SEPTIN10: variants seen among roughly 807,000 people sequenced by gnomAD.
SEPTIN10 encodes the protein septin 10.
A neutral mutation model predicts 54.8 loss-of-function variants in SEPTIN10; 66 were observed. The ratio of observed to expected loss-of-function variants is 1.21; its 90% CI spans 0.99 to 1.48. SEPTIN10 has a LOEUF of 1.48. Among genes scored for constraint, SEPTIN10 ranks in the 40% most tolerant of loss-of-function variants. The pLI, the probability that SEPTIN10 is intolerant of heterozygous loss-of-function variation, is 0.00. For synonymous variants in SEPTIN10, 161 were observed against 181.0 expected, an observed-to-expected ratio of 0.89 and a Z score of 0.89; for missense variants, 620 against 545.6, an observed-to-expected ratio of 1.14 and a Z score of -1.36.
chr2:109,590,052 G>GTATATATATATACACACACATATA lies in SEPTIN10; in HGVS notation c.99+2998_99+2999insTATATGTGTGTGTATATATATATA, dbSNP rs1693600438. Among the ~76,000 whole-genome samples the GTATATATATATACACACACATATA allele has an allele frequency of 3.4e-5, 5 of 146,436 alleles. 1 individual carries two copies. Among genetic ancestry groups the GTATATATATATACACACACATATA allele is most frequent in the African/African-American group, 1.3e-4 (5 of 39,338 alleles). ...CACATATATACACACATATATATGT[G>GTATATATATATACACACACATATA]TGTGTATATATATACACACACATAT... is the stretch of plus-strand genomic sequence containing the variant. On this transcript the variant is annotated intron_variant, in intron 2 of 10. Coordinates refer to ENST00000397712, the MANE Select transcript of SEPTIN10 (RefSeq NM_144710.5).
At chr2:109,608,122 C>A (rs1175606715) in intron 1 of SEPTIN10, among the ~76,000 whole-genome samples, 2 of 152,154 alleles carry the variant, frequency 1.3e-5, no homozygotes, top group Non-Finnish European at 2.9e-5. Context: ...ACAAAAGCAG[C>A]TTTTTATTTT....
At chr2:109,562,750 G>A (rs1302939622) in intron 8 of SEPTIN10, among the ~76,000 whole-genome samples, 1 of 152,120 alleles carries the variant, frequency 6.6e-6, no homozygotes, top group African/African-American at 2.4e-5. Flanking sequence ...GAAATGAGAA[G>A]TGAGTCTCCT....
At chr2:109,569,022 C>T (rs1304283379) in intron 5 of SEPTIN10, among the ~76,000 whole-genome samples, 1 of 152,170 alleles carries the variant, frequency 6.6e-6, no homozygotes, top group Non-Finnish European at 1.5e-5. Context: ...GATAGCTCCA[C>T]AAATTTGTGA....
chr2:109,600,165 C>A (rs186961992), intron 1 of SEPTIN10, among the ~76,000 whole-genome samples: 1 of 152,196 alleles, frequency 6.6e-6, no homozygotes, highest in African/African-American at 2.4e-5. Context: ...CAGATCCACA[C>A]GGTTCTGCAG....
Position 109,543,923 on chromosome 2 carries a change from C to A in SEPTIN10, c.*386G>T. ...TTACATAATTCATGTTTCACATCCA[C>A]CTTATACATATAGCCTGAAAGTAAT... On this transcript the variant is annotated 3_prime_UTR_variant, in exon 11 of 11. Transcript: ENST00000397712. 1 of 526,706 alleles carries A rather than the reference C, an allele frequency of 1.9e-6. No homozygotes were observed. Among genetic ancestry groups the A allele is most frequent in the South Asian group, 2.4e-5 (1 of 42,040 alleles). The allele number at this position is 526,706 out of a possible 1,614,324, so 32.6% of individuals were successfully genotyped here. A position where few individuals can be genotyped will look rare whatever the true frequency, so the allele number is the denominator to read the frequency against.
chr2:109,575,888 C>T (rs556780342), intron 4 of SEPTIN10, among the ~76,000 whole-genome samples: 1 of 152,290 alleles, frequency 6.6e-6, no homozygotes, highest in South Asian at 2.1e-4. Flanking sequence ...TTATAGAATA[C>T]ACATTGTTCT....
chr2:109,576,048 G>A (rs1185480428), intron 4 of SEPTIN10, among the ~76,000 whole-genome samples: 1 of 151,996 alleles, frequency 6.6e-6, no homozygotes, highest in Non-Finnish European at 1.5e-5. Context: ...CTTGAGGCCA[G>A]GAGTTCAAGA....
intron 9 of SEPTIN10, among the ~76,000 whole-genome samples, chr2:109,548,139 G>A (rs111794245): frequency 6.6e-6 from 1 of 151,800 alleles, no homozygotes; most frequent in Non-Finnish European, 1.5e-5. Flanking sequence ...AAGGTCCAAG[G>A]AGAATGTAGG....
intron 1 of SEPTIN10, among the ~76,000 whole-genome samples, chr2:109,603,007 G>A (rs1483625216): frequency 6.6e-6 from 1 of 151,534 alleles, no homozygotes; most frequent in Non-Finnish European, 1.5e-5. Context: ...GGAGGTCAAG[G>A]CTGCAGTAAG....
At position 109,553,198 on chromosome 2, in the gene SEPTIN10, G is replaced by A. The variant is rs1573414753; in HGVS notation, c.1050C>T (p.Ala350=). The A allele has an allele frequency of 4.3e-6, 7 of 1,613,856 alleles. No homozygotes were observed. The Middle Eastern group carries it at 5.0e-4, about 114-fold the overall frequency. ...KPVSVQETYE[A]KRHEFHGERQ... The stretch of plus-strand genomic sequence containing the variant: ...GTTCACCATGGAACTCATGTCTTTT[G>A]GCTTCATAGGTCTCTTGAACACTAA... The change falls in exon 9 of 11, where the codon GCC becomes GCT. Residue 350 remains alanine, a synonymous_variant. Transcript: ENST00000397712.
chr2:109,545,166 A>C, intron 10 of SEPTIN10: 1 of 985,060 alleles, frequency 1.0e-6, no homozygotes, highest in Non-Finnish European at 1.2e-6. Flanking sequence ...CAACGCTGCT[A>C]GCACAGAGGT....
At chr2:109,610,437 G>A (rs187523910) in intron 1 of SEPTIN10, among the ~76,000 whole-genome samples, 8 of 152,276 alleles carry the variant, frequency 5.3e-5, no homozygotes, top group Non-Finnish European at 8.8e-5. Context: ...GGTCTGGGCC[G>A]GGCATGGTGG....
At chr2:109,599,726 A>G (rs188742109) in intron 1 of SEPTIN10, among the ~76,000 whole-genome samples, 17 of 152,336 alleles carry the variant, frequency 1.1e-4, no homozygotes, top group Non-Finnish European at 2.4e-4. Context: ...TCTTGATAGC[A>G]GTTCATATAA....
At chr2:109,547,513 A>G (rs2104591200) in intron 9 of SEPTIN10, among the ~76,000 whole-genome samples, 1 of 152,192 alleles carries the variant, frequency 6.6e-6, no homozygotes, top group African/African-American at 2.4e-5. Context: ...AAAATTATTT[A>G]AAGAATACAA....
chr2:109,560,279 C>T (rs1360834100), intron 8 of SEPTIN10, among the ~76,000 whole-genome samples: 2 of 152,156 alleles, frequency 1.3e-5, no homozygotes, highest in African/African-American at 2.4e-5. Flanking sequence ...CAAGAATTGT[C>T]AAGGAAGCAC....
intron 2 of SEPTIN10, among the ~76,000 whole-genome samples, chr2:109,592,182 C>T (rs746578942): frequency 7.3e-5 from 11 of 151,382 alleles, no homozygotes; most frequent in Non-Finnish European, 1.3e-4. Flanking sequence ...AAACAAATAA[C>T]GGCCGGGCGT....
At position 109,564,508 on chromosome 2, in the gene SEPTIN10, C is replaced by G. The variant is rs759200038; in HGVS notation, c.886G>C (p.Val296Leu). The change falls in exon 8 of 11, where the codon GTA becomes CTA. Residue 296 changes from valine (V) to leucine (L), a missense_variant. By Grantham distance (32) the Val-to-Leu change is conservative (BLOSUM62 1). Coordinates refer to ENST00000397712, the MANE Select transcript of SEPTIN10 (RefSeq NM_144710.5). The part of the protein sequence containing the change: ...QVENENHCDF[V>L]KLREMLICTN... ...CAAATGAGCATTTCCCGCAGCTTTA[C>G]AAAGTCACAGTGGTTTTCATTTTCC... The G allele has an allele frequency of 6.5e-7, 1 of 1,547,218 alleles. No individual in the cohort carries two copies. The highest frequency in any genetic ancestry group is 1.8e-5 in the Admixed American group (1 of 55,718).
chr2:109,574,179 C>T (rs535072095), intron 5 of SEPTIN10, among the ~76,000 whole-genome samples: 2 of 151,858 alleles, frequency 1.3e-5, no homozygotes, highest in South Asian at 2.1e-4. Flanking sequence ...TGGCTCATGC[C>T]TGTAGTTCTA....
At chr2:109,606,064 G>A (rs924505061) in intron 1 of SEPTIN10, among the ~76,000 whole-genome samples, 1 of 152,204 alleles carries the variant, frequency 6.6e-6, no homozygotes. Flanking sequence ...TGTGAAAGTT[G>A]CATCTCATCC....
Sources: allele counts gnomAD v4.1 joint callset (sites outside exome capture counted in the v4.1 genomes callset), GRCh38; gene constraint gnomAD v4.1.1; transcripts MANE v1.5; gene names NCBI Gene and HGNC (gene_info 2026-07-23, HGNC 2026-07-21).